DCK: variants seen among roughly 807,000 people sequenced by gnomAD.
DCK encodes deoxycytidine kinase, also known as deoxyadenosine kinase.
A neutral mutation model predicts 38.3 loss-of-function variants in DCK; 23 were observed. The ratio of observed to expected loss-of-function variants is 0.60; its 90% CI spans 0.43 to 0.85. DCK has a LOEUF of 0.85. Ranked by LOEUF, DCK falls within the 40% of genes least tolerant of loss-of-function variation. The pLI is 0.00. For missense variants in DCK, 259 were observed against 304.4 expected, an observed-to-expected ratio of 0.85 and a Z score of 1.11; for synonymous variants, 108 against 100.6, an observed-to-expected ratio of 1.07 and a Z score of -0.44.
intron 2 of DCK, among the ~76,000 whole-genome samples, chr4:71,001,337 C>T (rs933585613): frequency 1.8e-4 from 27 of 152,078 alleles, no homozygotes; most frequent in Admixed American, 1.2e-3. Context: ...GGGATGAAGC[C>T]GACTTGATCG....
intron 4 of DCK, among the ~76,000 whole-genome samples, 175 bp from the exon 5 acceptor site, chr4:71,025,641 C>G (rs1013134690): frequency 6.6e-6 from 1 of 151,962 alleles, no homozygotes; most frequent in African/African-American, 2.4e-5. Flanking sequence ...TTAGAGCCAC[C>G]AAGTGGCTGA....
rs192256647 is a variant in DCK at position 71,001,964 on chromosome 4, A to G, written c.207+3782A>G. Among the ~76,000 whole-genome samples, 558 of 151,684 alleles carry G rather than the reference A, an allele frequency of 3.7e-3. 4 individuals are homozygous for G. The highest frequency in any genetic ancestry group is 0.013 in the African/African-American group (530 of 41,376). ...TTTTTGAAGAGTTTTTCGTGTCTCT[A>G]TCTCCTTCAGTTCTGCTCTGATCTT... On this transcript the variant is annotated intron_variant, in intron 2 of 6. Transcript: ENST00000286648.
intron 2 of DCK, among the ~76,000 whole-genome samples, chr4:71,018,764 C>A (rs1740337998): frequency 6.6e-6 from 1 of 150,410 alleles, no homozygotes; most frequent in African/African-American, 2.4e-5. Flanking sequence ...CTCCACCTCC[C>A]AGGCATAAGC....
At chr4:71,000,951 C>T (rs1250653262) in intron 2 of DCK, among the ~76,000 whole-genome samples, 3 of 152,106 alleles carry the variant, frequency 2.0e-5, no homozygotes, top group Admixed American at 6.6e-5. Context: ...ATACAGTCAT[C>T]ATCTGCAAAC....
intron 2 of DCK, among the ~76,000 whole-genome samples, chr4:71,003,325 T>G (rs1006737444): frequency 6.6e-6 from 1 of 152,222 alleles, no homozygotes; most frequent in African/African-American, 2.4e-5. Flanking sequence ...CCGAGAGATC[T>G]GCTGTTAGTC....
chr4:71,014,337 A>T (rs1740195190), intron 2 of DCK, among the ~76,000 whole-genome samples: 1 of 152,298 alleles, frequency 6.6e-6, no homozygotes, highest in South Asian at 2.1e-4. Context: ...TTAACACCCC[A>T]CTGTCGACAT....
At chr4:71,012,275 G>C (rs1740120184) in intron 2 of DCK, among the ~76,000 whole-genome samples, 1 of 152,202 alleles carries the variant, frequency 6.6e-6, no homozygotes, top group African/African-American at 2.4e-5. Flanking sequence ...CTGGAAGCTG[G>C]AACTGGGTGG....
intron 6 of DCK, among the ~76,000 whole-genome samples, chr4:71,026,957 C>T (rs993997774): frequency 6.6e-6 from 1 of 151,442 alleles, no homozygotes; most frequent in African/African-American, 2.4e-5. Context: ...AAAGATCCTT[C>T]GGAATCTCAG....
At chr4:71,010,658 T>G (rs1249448277) in intron 2 of DCK, among the ~76,000 whole-genome samples, 2 of 147,670 alleles carry the variant, frequency 1.4e-5, no homozygotes, top group African/African-American at 4.9e-5. Flanking sequence ...GTAAATTATA[T>G]ACATAAGTTA....
rs1376465582 is a variant in DCK at position 71,024,500 on chromosome 4, A to AG, written c.549+797dup. 3.3e-5 allele frequency among the ~76,000 whole-genome samples: 5 copies of AG among 152,188 alleles called. No homozygotes were observed. In the South Asian group the frequency reaches 1.0e-3, roughly 32 times the overall value. On this transcript the variant is annotated intron_variant, in intron 4 of 6. Coordinates refer to ENST00000286648, the MANE Select transcript of DCK (RefSeq NM_000788.3). ...AATTCTCATTTTTTCCTTAAGTCAC[A>AG]GGGTAGGCACTGATGAATGTAAATG...
chr4:71,018,898 C>G (rs796639878), intron 2 of DCK, among the ~76,000 whole-genome samples: 7 of 152,140 alleles, frequency 4.6e-5, no homozygotes, highest in African/African-American at 1.7e-4. Flanking sequence ...TCTGGAACTC[C>G]TGAGCTTAAG....
chr4:71,008,888 G>C (rs1320409563), intron 2 of DCK, among the ~76,000 whole-genome samples: 1 of 152,198 alleles, frequency 6.6e-6, no homozygotes, highest in Non-Finnish European at 1.5e-5. Context: ...GTGGAAGGAA[G>C]TCATAAGAAT....
rs376976121 is a variant in DCK, at chr4:71,022,652, A to G, written c.401+92A>G. On this transcript the variant is annotated intron_variant, in intron 3 of 6. Transcript: ENST00000286648. ...TTTTAATGTTTCCTGGGAATTAGTA[A>G]TAATGAATGGCTGAGCTGGGGATTT... 1.8e-4 allele frequency: 126 copies of G among 684,382 alleles called. No individual in the cohort carries two copies. In the African/African-American group the frequency reaches 2.3e-3, roughly 13 times the overall value. The allele number at this position is 684,382 out of a possible 1,614,324, so 42.4% of individuals were successfully genotyped here. A position where few individuals can be genotyped will look rare whatever the true frequency, so the allele number is the denominator to read the frequency against.
chr4:71,020,384 G>C (rs1307982118), intron 2 of DCK, among the ~76,000 whole-genome samples: 1 of 152,182 alleles, frequency 6.6e-6, no homozygotes, highest in Non-Finnish European at 1.5e-5. Flanking sequence ...CAGTTTAGCT[G>C]TTGTCAGATT....
At position 70,995,556 on chromosome 4, in the gene DCK, G is replaced by A. The variant is rs578210184; in HGVS notation, c.91+1630G>A. ...ATCACACTACTGCACTCTAGCCTGG[G>A]TGACAGAGCAAGACTCTGTTAAAAA... On this transcript the variant is annotated intron_variant, in intron 1 of 6. Coordinates refer to ENST00000286648, the MANE Select transcript of DCK (RefSeq NM_000788.3). 2.6e-5 allele frequency among the ~76,000 whole-genome samples: 4 copies of A among 151,990 alleles called. No homozygotes were observed. The South Asian group carries it at 8.3e-4, about 32-fold the overall frequency.
intron 2 of DCK, among the ~76,000 whole-genome samples, chr4:71,010,263 G>A (rs922130304): frequency 6.6e-6 from 1 of 150,456 alleles, no homozygotes; most frequent in Non-Finnish European, 1.5e-5. Context: ...AAGAGGCAAA[G>A]CACCAAAGAT....
chr4:70,993,685 C>T lies in DCK; in HGVS notation c.-151C>T. The stretch of plus-strand genomic sequence containing the variant: ...CTGCCTCCGCGCGCCAAAGTCAAAC[C>T]CCGACACCCGCCGGCGGGCCGGTGA... On this transcript the variant is annotated 5_prime_UTR_variant, in exon 1 of 7. Transcript: ENST00000286648. 6 of 582,098 alleles carry T rather than the reference C, an allele frequency of 1.0e-5. No homozygotes were observed. In the Middle Eastern group the frequency reaches 1.4e-3, roughly 132 times the overall value. The allele number at this position is 582,098 out of a possible 1,614,324, so 36.1% of individuals were successfully genotyped here.
At chr4:71,017,053 C>G (rs1231562337) in intron 2 of DCK, among the ~76,000 whole-genome samples, 1 of 152,170 alleles carries the variant, frequency 6.6e-6, no homozygotes, top group Non-Finnish European at 1.5e-5. Context: ...GGGCTAATAT[C>G]TAGAATCTAC....
chr4:71,028,798 C>T (rs1464467680), intron 6 of DCK: 1 of 309,408 alleles, frequency 3.2e-6, no homozygotes. Context: ...GCTCTTGTTG[C>T]CCAGGCTGGA....
Sources: allele counts gnomAD v4.1 joint callset (sites outside exome capture counted in the v4.1 genomes callset), GRCh38; gene constraint gnomAD v4.1.1; transcripts MANE v1.5; gene names NCBI Gene and HGNC (gene_info 2026-07-23, HGNC 2026-07-21).